Variants in RPS6KC1 observed in about 807,000 individuals in gnomAD.
The protein encoded by RPS6KC1 is inactive ribosomal protein S6 kinase delta-1.
A neutral mutation model predicts 103.8 loss-of-function variants in RPS6KC1; 54 were observed. The observed-to-expected ratio is 0.52, with a 90% CI of 0.42 to 0.65. RPS6KC1 has a LOEUF of 0.65. Among genes scored for constraint, RPS6KC1 ranks in the 30% least tolerant of loss-of-function variants. The pLI is 0.00. For missense variants in RPS6KC1, 1,151 were observed against 1,253.8 expected (o/e 0.92, Z 1.24); for synonymous variants, 439 against 438.7 (o/e 1.00, Z -0.01).
At chr1:213,085,314 TTAGTGCCCATCCAGATAATCCAGGATAA>T (rs1225925411) in intron 3 of RPS6KC1, among the ~76,000 whole-genome samples, 1 of 152,152 alleles carries the variant, frequency 6.6e-6, no homozygotes, top group East Asian at 1.9e-4. Context: ...TGTGAAGCAT[TTAGTGCCCATCCAGATAATCCAGGATAA>T]TATCCCCATC....
intron 14 of RPS6KC1, among the ~76,000 whole-genome samples, chr1:213,271,763 CAA>C (rs58938920): frequency 8.5e-4 from 98 of 114,762 alleles, no homozygotes; most frequent in African/African-American, 3.2e-3. Context: ...AACTCCGTCT[CAA>C]AAAAAAAAAA....
chr1:213,621,591 G>A, the RPS6KC1 span, among the ~76,000 whole-genome samples: 2 of 110,314 alleles, frequency 1.8e-5, no homozygotes, highest in Non-Finnish European at 3.7e-5. Flanking sequence ...GAACTAACAT[G>A]TGTGATGAAG....
At chr1:213,523,145 A>G in the RPS6KC1 span, among the ~76,000 whole-genome samples, 4 of 152,206 alleles carry the variant, frequency 2.6e-5, no homozygotes, top group Non-Finnish European at 5.9e-5. Flanking sequence ...TGTGTTTAGG[A>G]AATGGAGAGT....
At chr1:213,829,909 T>C in the RPS6KC1 span, among the ~76,000 whole-genome samples, 3 of 152,236 alleles carry the variant, frequency 2.0e-5, no homozygotes, top group African/African-American at 4.8e-5. Context: ...CCTATTAGGA[T>C]GACAGCTTTG....
At chr1:213,694,075 T>C in the RPS6KC1 span, among the ~76,000 whole-genome samples, 1 of 152,182 alleles carries the variant, frequency 6.6e-6, no homozygotes, top group Admixed American at 6.5e-5. Context: ...AGCATGAGTG[T>C]CTCCTTTGTC....
chr1:213,513,926 C>T, the RPS6KC1 span, among the ~76,000 whole-genome samples: 3 of 152,196 alleles, frequency 2.0e-5, no homozygotes, highest in African/African-American at 7.2e-5. Context: ...GGAGTGCTCA[C>T]GTGCATTGCC....
At position 213,051,275 on chromosome 1, in the gene RPS6KC1, C is replaced by T. The variant is rs1572191539; in HGVS notation, c.-130C>T. ...GCAGAGCTGTGCAGCTGAGGCGCCGCCGTGGAGCCGCCTTGGAGCCACCGC... is the reference window on the plus strand; with the variant it reads ...GCAGAGCTGTGCAGCTGAGGCGCCGTCGTGGAGCCGCCTTGGAGCCACCGC... On this transcript the variant is annotated 5_prime_UTR_variant, in exon 1 of 15. Transcript: ENST00000366960. 1.9e-5 allele frequency: 12 copies of T among 646,746 alleles called. 1 individual carries two copies. In the South Asian group the frequency reaches 2.2e-4, roughly 12 times the overall value. 40.1% of individuals were successfully genotyped at this position (646,746 alleles called of 1,614,324 possible). A position where few individuals can be genotyped will look rare whatever the true frequency, so the allele number is the denominator to read the frequency against.
the RPS6KC1 span, among the ~76,000 whole-genome samples, chr1:213,690,356 T>A: frequency 2.6e-5 from 4 of 152,208 alleles, no homozygotes; most frequent in African/African-American, 9.6e-5. Flanking sequence ...AGTAGACTTT[T>A]CTGGGCAGGA....
intron 5 of RPS6KC1, among the ~76,000 whole-genome samples, chr1:213,122,250 T>A (rs545672564): frequency 6.6e-6 from 1 of 152,278 alleles, no homozygotes; most frequent in East Asian, 1.9e-4. Context: ...ACCTAATAAT[T>A]CTTTACGGTG....
At chr1:213,053,183 T>C (rs2077083295) in intron 1 of RPS6KC1, among the ~76,000 whole-genome samples, 1 of 152,206 alleles carries the variant, frequency 6.6e-6, no homozygotes, top group Non-Finnish European at 1.5e-5. Flanking sequence ...TCCTAACACA[T>C]AGTGTATGGA....
Position 213,062,651 on chromosome 1 carries a change from G to T in RPS6KC1, c.106-8355G>T, listed in dbSNP as rs144275223. Among the ~76,000 whole-genome samples, 1,030 of 151,996 alleles carry T rather than the reference G, an allele frequency of 6.8e-3. 5 individuals are homozygous for T. The highest frequency in any genetic ancestry group is 0.02 in the Middle Eastern group (6 of 294). ...GGCTCTCTGCAACCTCTGCCTCCCG[G>T]GTTCAAGGTATTCTCCTGCCTCAGT... On this transcript the variant is annotated intron_variant, in intron 1 of 14. Coordinates refer to ENST00000366960, the MANE Select transcript of RPS6KC1 (RefSeq NM_012424.6).
At chr1:213,488,632 A>T in the RPS6KC1 span, among the ~76,000 whole-genome samples, 1 of 152,248 alleles carries the variant, frequency 6.6e-6, no homozygotes, top group Non-Finnish European at 1.5e-5. Context: ...AGCAGTAAAT[A>T]TGCGAATTGC....
In RPS6KC1 at chr1:213,117,140, T is replaced by A. The variant is rs75482580; in HGVS notation, c.379-177T>A. 3.9e-3 allele frequency among the ~76,000 whole-genome samples: 588 copies of A among 152,340 alleles called. 4 individuals carry two copies. Among genetic ancestry groups the A allele is most frequent in the African/African-American group, 0.014 (570 of 41,590 alleles). ...TCTTGGGTTGGTGTAGTACGTTTGT[T>A]ACAGTCGATGAGATATACCTATTGT... On this transcript the variant is annotated intron_variant, in intron 4 of 14. Transcript: ENST00000366960.
the RPS6KC1 span, among the ~76,000 whole-genome samples, chr1:213,656,818 G>T: frequency 6.6e-6 from 1 of 152,220 alleles, no homozygotes; most frequent in Admixed American, 6.5e-5. Context: ...CAGTGTAAGA[G>T]AATGTTCTTC....
the RPS6KC1 span, among the ~76,000 whole-genome samples, chr1:213,353,132 T>A: frequency 6.6e-6 from 1 of 152,234 alleles, no homozygotes; most frequent in Admixed American, 6.5e-5. Flanking sequence ...CCAGCTATAA[T>A]GTCAGTTCAG....
At chr1:213,831,226 C>T in the RPS6KC1 span, among the ~76,000 whole-genome samples, 39 of 152,276 alleles carry the variant, frequency 2.6e-4, no homozygotes, top group African/African-American at 9.1e-4. Flanking sequence ...TGTCACCTCA[C>T]ATGGAAAAAG....
Position 213,232,174 on chromosome 1 carries a change from C to G in RPS6KC1, c.1144C>G (p.Arg382Gly), listed in dbSNP as rs375560038. Residue 382 changes from arginine to glycine, a missense_variant, in exon 10 of 15, where the codon CGC (arginine) becomes GGC (glycine). Coordinates refer to ENST00000366960, the MANE Select transcript of RPS6KC1 (RefSeq NM_012424.6). Reference sequence around the variant, plus strand: ...CAGGAACAGAAAGACCATCATCCCCCGCTGTGTGCCCAACATGGTGTGTCT... The same window carrying G: ...CAGGAACAGAAAGACCATCATCCCCGGCTGTGTGCCCAACATGGTGTGTCT... ...YSRNRKTIIP[R>G]CVPNMVCLHK... is the part of the protein sequence containing the mutation. The G allele has an allele frequency of 6.2e-7, 1 of 1,614,000 alleles. No homozygotes were observed. Among genetic ancestry groups the G allele is most frequent in the Non-Finnish European group, 8.5e-7 (1 of 1,179,894 alleles).
intron 12 of RPS6KC1, among the ~76,000 whole-genome samples, chr1:213,260,580 CAACCTA>C (rs1438458304): frequency 6.6e-6 from 1 of 151,818 alleles, no homozygotes; most frequent in Non-Finnish European, 1.5e-5. Context: ...TTCCAAGTTC[CAACCTA>C]ACTACTTATA....
chr1:213,166,931 C>T (rs992231863), intron 6 of RPS6KC1, among the ~76,000 whole-genome samples: 1 of 152,176 alleles, frequency 6.6e-6, no homozygotes, highest in South Asian at 2.1e-4. Flanking sequence ...TTTTAAGTCT[C>T]GTATATCTGC....
Sources: gnomAD v4.1 joint callset for allele counts (sites outside exome capture counted in the v4.1 genomes callset) on GRCh38, gnomAD v4.1.1 for gene constraint, MANE v1.5 for transcripts, NCBI Gene and HGNC (gene_info 2026-07-23, HGNC 2026-07-21) for gene names.